The following CSMD3 variants were observed in gnomAD, a reference collection of about 807,000 sequenced individuals.
The protein encoded by CSMD3 is CUB and sushi domain-containing protein 3.
In CSMD3, 177 loss-of-function variants were observed where a neutral mutation model predicts 435.2. The ratio of observed to expected loss-of-function variants is 0.41; its 90% CI spans 0.36 to 0.46. CSMD3 has a LOEUF of 0.46. Ranked by LOEUF, CSMD3 falls within the 20% of genes least tolerant of loss-of-function variation. The pLI, the probability that CSMD3 is intolerant of heterozygous loss-of-function variation, is 0.34. For missense variants in CSMD3, 4,265 were observed against 4,504.6 expected (o/e 0.95, Z 1.52); for synonymous variants, 1,656 against 1,520.5 (o/e 1.09, Z -2.07).
intron 22 of CSMD3, among the ~76,000 whole-genome samples, chr8:112,624,927 GTATTTATTTGTA>G (rs1286403329): frequency 6.6e-6 from 1 of 151,708 alleles, no homozygotes; most frequent in East Asian, 1.9e-4. Context: ...TTCTTTTTAG[GTATTTATTTGTA>G]TATTTATTTG....
Position 112,588,605 on chromosome 8 carries a change from C to T in CSMD3, c.3716-1370G>A, listed in dbSNP as rs112356799. On this transcript the variant is annotated intron_variant, in intron 22 of 70. Transcript: ENST00000297405. ...CAAAACCAGTTTACAAATACAGGAA[C>T]AAAATGACAAAAACAATAAAATAAA... 2.3e-3 allele frequency among the ~76,000 whole-genome samples: 353 copies of T among 152,070 alleles called. 1 individual carries two copies. The highest frequency in any genetic ancestry group is 8.2e-3 in the African/African-American group (339 of 41,500).
intron 3 of CSMD3, among the ~76,000 whole-genome samples, chr8:113,183,133 A>G (rs1393344064): frequency 6.6e-6 from 1 of 151,954 alleles, no homozygotes; most frequent in African/African-American, 2.4e-5. Context: ...TGCATCCTGT[A>G]GTCCCCTGGC....
chr8:112,446,278 C>A (rs544359854), intron 32 of CSMD3, among the ~76,000 whole-genome samples: 6 of 152,168 alleles, frequency 3.9e-5, no homozygotes, highest in Admixed American at 1.3e-4. Flanking sequence ...TGTATAAATC[C>A]TTTTCCAAAG....
chr8:112,395,850 T>C (rs1015736910), intron 35 of CSMD3, among the ~76,000 whole-genome samples: 1 of 152,146 alleles, frequency 6.6e-6, no homozygotes, highest in African/African-American at 2.4e-5. Flanking sequence ...GTCTTCAGCA[T>C]AAGTTTTATT....
chr8:113,383,829 C>T (rs898839891), intron 1 of CSMD3, among the ~76,000 whole-genome samples: 2 of 151,980 alleles, frequency 1.3e-5, no homozygotes, highest in Admixed American at 1.3e-4. Flanking sequence ...CTTTTTATTC[C>T]AACTCTGGTT....
At chr8:112,711,967 T>G (rs2076618863) in intron 13 of CSMD3, among the ~76,000 whole-genome samples, 2 of 152,136 alleles carry the variant, frequency 1.3e-5, no homozygotes, top group Non-Finnish European at 2.9e-5. Context: ...ACATTATGCC[T>G]AACTATTAAG....
At chr8:112,483,689 G>A (rs1003826959) in intron 31 of CSMD3, among the ~76,000 whole-genome samples, 6 of 152,030 alleles carry the variant, frequency 3.9e-5, no homozygotes, top group African/African-American at 1.4e-4. Flanking sequence ...AATATAATGA[G>A]GCTTTTGTAA....
chr8:113,335,528 C>T (rs1317656949), intron 1 of CSMD3, among the ~76,000 whole-genome samples: 1 of 137,092 alleles, frequency 7.3e-6, no homozygotes, highest in Non-Finnish European at 1.5e-5. Context: ...TTTAGCTCTC[C>T]TCCTCCTTCT....
At chr8:113,098,568 T>G (rs2090234876) in intron 5 of CSMD3, 188 bp downstream of exon 5, 2 of 589,046 alleles carry the variant, frequency 3.4e-6, no homozygotes, top group Non-Finnish European at 6.0e-6. Context: ...AGTTTTGAAT[T>G]TCATCTATTT....
At chr8:113,228,302 A>C (rs1563574828) in intron 3 of CSMD3, among the ~76,000 whole-genome samples, 1 of 151,574 alleles carries the variant, frequency 6.6e-6, no homozygotes, top group Non-Finnish European at 1.5e-5. Context: ...AAAGATAATA[A>C]AAGTAACAAA....
chr8:112,901,081 G>A (rs567336782), intron 10 of CSMD3, among the ~76,000 whole-genome samples: 1 of 151,156 alleles, frequency 6.6e-6, no homozygotes, highest in African/African-American at 2.4e-5. Flanking sequence ...TATGGTGAAG[G>A]TTATGTATAC....
At chr8:112,801,922 T>A (rs1430713648) in intron 12 of CSMD3, among the ~76,000 whole-genome samples, 1 of 152,058 alleles carries the variant, frequency 6.6e-6, no homozygotes, top group Non-Finnish European at 1.5e-5. Flanking sequence ...TGCTCTTTTT[T>A]ACATCCTCCT....
intron 2 of CSMD3, among the ~76,000 whole-genome samples, chr8:113,308,648 T>C (rs929310485): frequency 6.6e-6 from 1 of 152,242 alleles, no homozygotes; most frequent in African/African-American, 2.4e-5. Flanking sequence ...TTAGAACTCA[T>C]ATTTCTGTAT....
intron 6 of CSMD3, among the ~76,000 whole-genome samples, chr8:112,977,118 AC>A (rs2084880843): frequency 6.6e-6 from 1 of 152,010 alleles, no homozygotes; most frequent in Non-Finnish European, 1.5e-5. Flanking sequence ...AGTTCATAAT[AC>A]TTATATAATG....
At chr8:112,334,140 T>C (rs905198097) in intron 45 of CSMD3, among the ~76,000 whole-genome samples, 1 of 152,206 alleles carries the variant, frequency 6.6e-6, no homozygotes, top group Non-Finnish European at 1.5e-5. Context: ...CATGGTGGTA[T>C]GGCCATAGAC....
chr8:112,369,439 G>C (rs907167836), intron 38 of CSMD3, among the ~76,000 whole-genome samples: 1 of 152,110 alleles, frequency 6.6e-6, no homozygotes, highest in Non-Finnish European at 1.5e-5. Context: ...TTTGGTGCAA[G>C]TAGCTTGTTA....
chr8:113,434,933 G>A (rs1467108859), intron 1 of CSMD3, among the ~76,000 whole-genome samples: 1 of 152,004 alleles, frequency 6.6e-6, no homozygotes, highest in Non-Finnish European at 1.5e-5. Flanking sequence ...ATGAAAACTC[G>A]CACTTAAACC....
chr8:112,738,305 G>A (rs1157364777), intron 13 of CSMD3, among the ~76,000 whole-genome samples: 1 of 151,626 alleles, frequency 6.6e-6, no homozygotes, highest in African/African-American at 2.4e-5. Flanking sequence ...TGTCAAAGAC[G>A]CAGCTGTTTT....
intron 22 of CSMD3, among the ~76,000 whole-genome samples, chr8:112,599,973 A>T (rs531828884): frequency 3.3e-5 from 5 of 151,248 alleles, no homozygotes; most frequent in Admixed American, 2.0e-4. Context: ...TACACATGTA[A>T]CTAACCTGCA....
Sources: gnomAD v4.1 joint callset for allele counts (sites outside exome capture counted in the v4.1 genomes callset) on GRCh38, gnomAD v4.1.1 for gene constraint, MANE v1.5 for transcripts, NCBI Gene and HGNC (gene_info 2026-07-23, HGNC 2026-07-21) for gene names.